The following SORCS1 variants were observed in gnomAD, a reference collection of about 807,000 sequenced individuals.
The protein encoded by SORCS1 is sortilin related VPS10 domain containing receptor 1, also known as VPS10 domain-containing receptor SorCS1.
In SORCS1, 60 loss-of-function variants were observed where a neutral mutation model predicts 146.1. The ratio of observed to expected loss-of-function variants is 0.41; its 90% confidence interval spans 0.33 to 0.51. The LOEUF is 0.51. SORCS1 is among the 20% of genes least tolerant of loss of function. The pLI, the probability that SORCS1 is intolerant of heterozygous loss-of-function variation, is 0.21. For synonymous variants in SORCS1, 637 were observed against 584.0 expected (o/e 1.09, Z -1.31); for missense variants, 1,352 against 1,487.6 (o/e 0.91, Z 1.50).
intron 1 of SORCS1, among the ~76,000 whole-genome samples, chr10:107,001,722 C>G (rs1957231444): frequency 6.6e-6 from 1 of 152,118 alleles, no homozygotes; most frequent in African/African-American, 2.4e-5. Context: ...CCTCAACCTC[C>G]TAAAGTGCTG....
At chr10:106,848,875 G>C (rs1949422694) in intron 2 of SORCS1, among the ~76,000 whole-genome samples, 1 of 146,230 alleles carries the variant, frequency 6.8e-6, no homozygotes, top group African/African-American at 2.5e-5. Flanking sequence ...GAAATTCTGG[G>C]TTGAAAATTC....
At chr10:107,085,813 T>G (rs192861276) in intron 1 of SORCS1, among the ~76,000 whole-genome samples, 25 of 152,200 alleles carry the variant, frequency 1.6e-4, no homozygotes, top group Admixed American at 1.0e-3. Flanking sequence ...TCAAGAAGAG[T>G]AGACAATGAG....
chr10:106,929,665 T>A (rs960187826), intron 2 of SORCS1, among the ~76,000 whole-genome samples: 91 of 152,278 alleles, frequency 6.0e-4, no homozygotes, highest in African/African-American at 2.2e-3. Flanking sequence ...GAAATCAAAC[T>A]TCGTCAACTT....
At chr10:106,894,020 T>A (rs1951347125) in intron 2 of SORCS1, among the ~76,000 whole-genome samples, 1 of 152,174 alleles carries the variant, frequency 6.6e-6, no homozygotes, top group African/African-American at 2.4e-5. Flanking sequence ...ATATGGAGCT[T>A]CTTAAAAGAA....
intron 5 of SORCS1, among the ~76,000 whole-genome samples, chr10:106,733,114 AAGAAAAGAAAAG>A (rs1856721405): frequency 7.8e-6 from 1 of 128,234 alleles, no homozygotes; most frequent in Non-Finnish European, 1.7e-5. Context: ...TTTCAAAAAA[AAGAAAAGAAAAG>A]AAAAGAAAAG....
At chr10:106,623,054 T>G (rs1847856080) in intron 19 of SORCS1, among the ~76,000 whole-genome samples, 1 of 152,190 alleles carries the variant, frequency 6.6e-6, no homozygotes, top group South Asian at 2.1e-4. Context: ...GGGCCTTTGC[T>G]TCTACACACC....
At chr10:107,134,831 C>G (rs956543742) in intron 1 of SORCS1, among the ~76,000 whole-genome samples, 8 of 152,188 alleles carry the variant, frequency 5.3e-5, no homozygotes, top group Non-Finnish European at 1.2e-4. Flanking sequence ...AAAAACTTAA[C>G]TCTCGTTGCT....
At chr10:106,951,912 G>T (rs897365866) in intron 2 of SORCS1, among the ~76,000 whole-genome samples, 4 of 152,090 alleles carry the variant, frequency 2.6e-5, no homozygotes, top group African/African-American at 9.7e-5. Flanking sequence ...ATAAAAATAG[G>T]AATTGGCCCT....
At chr10:106,900,872 A>G (rs188734028) in intron 2 of SORCS1, among the ~76,000 whole-genome samples, 1 of 152,324 alleles carries the variant, frequency 6.6e-6, no homozygotes, top group African/African-American at 2.4e-5. Context: ...TGAGGCACAG[A>G]TAGGTTAAAA....
chr10:106,607,142 C>T lies in SORCS1; in HGVS notation c.3165+24G>A, dbSNP rs201118829. The T allele has an allele frequency of 2.9e-4, 462 of 1,611,536 alleles. 2 individuals are homozygous for T. Among genetic ancestry groups the T allele is most frequent in the South Asian group, 4.7e-4 (43 of 90,658 alleles). On this transcript the variant is annotated intron_variant, in intron 23 of 25. Coordinates refer to ENST00000263054, the MANE Select transcript of SORCS1 (RefSeq NM_052918.5). ...CTCCACAAACGGTTGAAGCTGAAAA[C>T]GTCTCCTTTTCCAGGGGACTCACCT...
At chr10:106,931,763 T>C (rs1953432822) in intron 2 of SORCS1, among the ~76,000 whole-genome samples, 2 of 152,232 alleles carry the variant, frequency 1.3e-5, no homozygotes, top group African/African-American at 4.8e-5. Context: ...GCAGACAGCA[T>C]AGTCTATCAA....
At chr10:106,783,597 G>T (rs1435613820) in intron 3 of SORCS1, among the ~76,000 whole-genome samples, 1 of 152,144 alleles carries the variant, frequency 6.6e-6, no homozygotes, top group African/African-American at 2.4e-5. Context: ...AAGAAATGGG[G>T]TGTAAGATAA....
At chr10:106,650,742 G>A (rs1006164050) in intron 18 of SORCS1, among the ~76,000 whole-genome samples, 3 of 152,176 alleles carry the variant, frequency 2.0e-5, no homozygotes, top group Non-Finnish European at 2.9e-5. Context: ...TAAAGTTCTC[G>A]AAAGGAAAAT....
At chr10:106,771,218 GTT>G (rs72204097) in intron 4 of SORCS1, among the ~76,000 whole-genome samples, 1 of 147,688 alleles carries the variant, frequency 6.8e-6, no homozygotes, top group African/African-American at 2.5e-5. Flanking sequence ...CTTCTCTCCT[GTT>G]TTTTTTTTTT....
chr10:106,800,806 G>T (rs1251619398), intron 3 of SORCS1, among the ~76,000 whole-genome samples: 4 of 152,142 alleles, frequency 2.6e-5, no homozygotes, highest in Non-Finnish European at 5.9e-5. Flanking sequence ...CTCCCAAAGT[G>T]CTGGGATTAC....
chr10:106,758,945 A>G, intron 5 of SORCS1, among the ~76,000 whole-genome samples: 1 of 152,216 alleles, frequency 6.6e-6, no homozygotes, highest in East Asian at 1.9e-4. Context: ...TAGGGGAAAA[A>G]GTGGTATCTT....
rs1054713011 is a variant in SORCS1 at position 106,598,692 on chromosome 10, A to T, written c.3166-1242T>A. Among the ~76,000 whole-genome samples, 3 of 151,598 alleles carry T rather than the reference A, an allele frequency of 2.0e-5. No individual in the cohort carries two copies. The East Asian group carries it at 5.8e-4, about 29-fold the overall frequency. On this transcript the variant is annotated intron_variant, in intron 23 of 25. Coordinates refer to ENST00000263054, the MANE Select transcript of SORCS1 (RefSeq NM_052918.5). ...CATCATTCTGCTAATTAAATTCTTAATTTTTTTTTCCTTTTCTATTTGTTG... is the reference window on the plus strand; with the variant it reads ...CATCATTCTGCTAATTAAATTCTTATTTTTTTTTTCCTTTTCTATTTGTTG...
intron 6 of SORCS1, among the ~76,000 whole-genome samples, chr10:106,722,494 T>TA (rs1170723559): frequency 4.6e-5 from 7 of 152,196 alleles, no homozygotes; most frequent in Non-Finnish European, 7.3e-5. Flanking sequence ...TTCTGCTTGT[T>TA]AAAATGCTAG....
chr10:106,899,519 G>A (rs1293475103), intron 2 of SORCS1, among the ~76,000 whole-genome samples: 5 of 151,804 alleles, frequency 3.3e-5, no homozygotes, highest in Non-Finnish European at 7.4e-5. Flanking sequence ...ATCATCCAGG[G>A]CTGCGCCATC....
Sources: gnomAD v4.1 joint callset for allele counts (sites outside exome capture counted in the v4.1 genomes callset) on GRCh38, gnomAD v4.1.1 for gene constraint, MANE v1.5 for transcripts, NCBI Gene and HGNC (gene_info 2026-07-23, HGNC 2026-07-21) for gene names.